The following ZFYVE16 variants were observed in gnomAD, a reference collection of about 807,000 sequenced individuals.
ZFYVE16 encodes zinc finger FYVE-type containing 16, also known as zinc finger FYVE domain-containing protein 16.
In ZFYVE16, 89 loss-of-function variants were observed where a neutral mutation model predicts 138.1. That is an observed-to-expected ratio of 0.64 (90% confidence interval 0.54 to 0.77). The LOEUF is 0.77. ZFYVE16 is among the 30% of genes least tolerant of loss of function. The pLI is 0.00. For missense variants in ZFYVE16, 1,793 were observed against 1,786.7 expected (o/e 1.00, Z -0.06); for synonymous variants, 596 against 618.3 (o/e 0.96, Z 0.53).
chr5:80,460,490 C>T (rs982075860), intron 15 of ZFYVE16, among the ~76,000 whole-genome samples: 13 of 152,032 alleles, frequency 8.6e-5, no homozygotes, highest in African/African-American at 2.4e-4. Context: ...CATACAGTTT[C>T]GAAAGATATT....
intron 1 of ZFYVE16, among the ~76,000 whole-genome samples, 157 bp downstream of exon 1, chr5:80,408,310 C>G (rs1274742713): frequency 6.6e-6 from 1 of 152,210 alleles, no homozygotes; most frequent in Non-Finnish European, 1.5e-5. Flanking sequence ...CTTTTCCGAG[C>G]CCCCGGAGCT....
At chr5:80,441,867 A>C (rs1750746914) in intron 5 of ZFYVE16, 1 of 985,250 alleles carries the variant, frequency 1.0e-6, no homozygotes, top group Non-Finnish European at 1.2e-6. Context: ...GAAATGCTGA[A>C]GGGAGAGCTA....
intron 3 of ZFYVE16, among the ~76,000 whole-genome samples, chr5:80,436,201 T>A (rs1187139453): frequency 1.3e-5 from 2 of 152,164 alleles, no homozygotes; most frequent in Non-Finnish European, 2.9e-5. Flanking sequence ...CTTGAAACCA[T>A]CACATGCCCA....
At chr5:80,443,339 C>T in intron 6 of ZFYVE16, 55 bp downstream of exon 6, 1 of 1,558,140 alleles carries the variant, frequency 6.4e-7, no homozygotes, top group Non-Finnish European at 8.7e-7. Flanking sequence ...AATAGAAATT[C>T]TCTAATGTAG....
chr5:80,414,685 G>A (rs1406455555), intron 1 of ZFYVE16, among the ~76,000 whole-genome samples: 1 of 152,180 alleles, frequency 6.6e-6, no homozygotes, highest in African/African-American at 2.4e-5. Flanking sequence ...AAAAATACAA[G>A]ATTCATGTCC....
chr5:80,451,138 AT>A (rs2112454496), intron 10 of ZFYVE16, among the ~76,000 whole-genome samples: 1 of 152,206 alleles, frequency 6.6e-6, no homozygotes, highest in East Asian at 1.9e-4. Context: ...CAGTGTATCT[AT>A]GTAATTTCCT....
chr5:80,426,272 G>GTGTGTGTA (rs1370196862), intron 1 of ZFYVE16, among the ~76,000 whole-genome samples: 177 of 26,414 alleles, frequency 6.7e-3, no homozygotes, highest in African/African-American at 9.6e-3. Context: ...GTGTGTGTGT[G>GTGTGTGTA]TATATATATA....
chr5:80,481,068 G>T lies in ZFYVE16; in HGVS notation c.*3691G>T, dbSNP rs701380. 1.3e-5 allele frequency among the ~76,000 whole-genome samples: 2 copies of T among 151,988 alleles called. No homozygotes were observed. Among genetic ancestry groups the T allele is most frequent in the African/African-American group, 4.8e-5 (2 of 41,326 alleles). Reference sequence around the variant, plus strand: ...TTAATTTAATTGCAGTATTCTAAGAGAGCCTCAGGAAAGATGCAGTAAGAC... The same window carrying T: ...TTAATTTAATTGCAGTATTCTAAGATAGCCTCAGGAAAGATGCAGTAAGAC... On this transcript the variant is annotated 3_prime_UTR_variant, in exon 19 of 19. Transcript: ENST00000505560.
intron 15 of ZFYVE16, among the ~76,000 whole-genome samples, chr5:80,466,826 C>G (rs1322699181): frequency 6.6e-6 from 1 of 152,096 alleles, no homozygotes; most frequent in African/African-American, 2.4e-5. Flanking sequence ...GGAAATTAGC[C>G]AAAAGTTTAT....
rs147440518 is a variant in ZFYVE16 at position 80,443,164 on chromosome 5, C to G, written c.2461C>G (p.Leu821Val). The change falls in exon 6 of 19, where the codon CTT becomes GTT. Residue 821 changes from leucine to valine, a missense_variant. By Grantham distance (32) the Leu-to-Val change is conservative. Around this residue, in one of 2 missense-constraint regions of ZFYVE16, gnomAD observed 1,295 missense variants for 1,204.3 expected, o/e 1.08. Transcript: ENST00000505560. ...GATGATGAGTCCAACTGGTTCTAAT[C>G]TTAAGTCTAATCATTCTGATGAATG... ...ERMMSPTGSN[L>V]KSNHSDECTT... 6.3e-7 allele frequency: 1 copy of G among 1,598,426 alleles called. No individual in the cohort carries two copies. The highest frequency in any genetic ancestry group is 1.4e-5 in the African/African-American group (1 of 73,828).
chr5:80,449,911 T>C (rs1164141927), intron 9 of ZFYVE16, among the ~76,000 whole-genome samples, 198 bp downstream of exon 9: 1 of 152,168 alleles, frequency 6.6e-6, no homozygotes, highest in African/African-American at 2.4e-5. Flanking sequence ...CAGATTTTTA[T>C]TAGCATCCCT....
At chr5:80,439,029 A>G (rs1324513806) in intron 4 of ZFYVE16, 22 bp downstream of exon 4, 1 of 1,583,912 alleles carries the variant, frequency 6.3e-7, no homozygotes, top group Admixed American at 1.9e-5. Context: ...AAATCTTTTA[A>G]GTCTTTTGTT....
Position 80,477,642 on chromosome 5 carries a change from A to G in ZFYVE16, c.*265A>G, listed in dbSNP as rs1017214690. ...GGATTTCTTTTAAGAAATTTATAGC[A>G]TTTACTGTGTTATTTAAATGCTAAG... On this transcript the variant is annotated 3_prime_UTR_variant, in exon 19 of 19. Transcript: ENST00000505560. 1 of 271,614 alleles carries G rather than the reference A, an allele frequency of 3.7e-6. No homozygotes were observed. The highest frequency in any genetic ancestry group is 9.1e-5 in the South Asian group (1 of 10,940). 16.8% of individuals were successfully genotyped at this position (271,614 alleles called of 1,614,324 possible). A position where few individuals can be genotyped will look rare whatever the true frequency, so the allele number is the denominator to read the frequency against.
At chr5:80,473,467 T>A (rs1364105157) in intron 16 of ZFYVE16, among the ~76,000 whole-genome samples, 1 of 152,154 alleles carries the variant, frequency 6.6e-6, no homozygotes, top group Non-Finnish European at 1.5e-5. Context: ...ATAGAGTTTT[T>A]GAATTCATGA....
At chr5:80,462,611 C>T (rs114669677) in intron 15 of ZFYVE16, among the ~76,000 whole-genome samples, 4,513 of 152,236 alleles carry the variant, frequency 0.03, 80 homozygotes, top group South Asian at 0.046. Context: ...CCAAATCTCA[C>T]GTCCTCACAT....
chr5:80,480,980 C>A lies in ZFYVE16; in HGVS notation c.*3603C>A, dbSNP rs1755247537. Among the ~76,000 whole-genome samples, 1 of 152,124 alleles carries A rather than the reference C, an allele frequency of 6.6e-6. No homozygotes were observed. Among genetic ancestry groups the A allele is most frequent in the Non-Finnish European group, 1.5e-5 (1 of 68,024 alleles). The stretch of plus-strand genomic sequence containing the variant: ...ACAGAGAGAAAAATAGTCCAAGGAA[C>A]AATTTGCTGTTTCTAGTCAGAGGAC... On this transcript the variant is annotated 3_prime_UTR_variant, in exon 19 of 19. Transcript: ENST00000505560.
intron 2 of ZFYVE16, among the ~76,000 whole-genome samples, chr5:80,428,444 A>C (rs912618700): frequency 3.9e-5 from 6 of 152,184 alleles, no homozygotes; most frequent in Admixed American, 1.3e-4. Context: ...TCCACACCAA[A>C]ACCCCATCTA....
At chr5:80,407,848 C>T (rs1241254683), upstream of ZFYVE16, among the ~76,000 whole-genome samples, 1 of 152,216 alleles carries the variant, frequency 6.6e-6, no homozygotes, top group Admixed American at 6.5e-5. Flanking sequence ...CATCAGGCGT[C>T]CCCGTCACCC....
At chr5:80,449,812 A>T in intron 9 of ZFYVE16, 99 bp downstream of exon 9, 1 of 1,336,208 alleles carries the variant, frequency 7.5e-7, no homozygotes, top group Non-Finnish European at 1.0e-6. Context: ...GTGAAAAATA[A>T]GCAGGATTGG....
Sources: allele counts gnomAD v4.1 joint callset (sites outside exome capture counted in the v4.1 genomes callset), GRCh38; gene constraint gnomAD v4.1.1; regional missense constraint gnomAD v4.1.1; transcripts MANE v1.5; gene names NCBI Gene and HGNC (gene_info 2026-07-23, HGNC 2026-07-21).